Variants in PLXND1 observed in about 807,000 individuals in gnomAD.
PLXND1 encodes the protein plexin-D1.
A neutral mutation model predicts 197.7 loss-of-function variants in PLXND1; 54 were observed. The observed-to-expected ratio is 0.27, with a 90% CI of 0.22 to 0.34. PLXND1 has a LOEUF of 0.34. Among genes scored for constraint, PLXND1 ranks in the 10% least tolerant of loss-of-function variants. The probability of loss-of-function intolerance (pLI) is 1.00; values close to 1 mark genes in which losing one functional copy is unlikely to be tolerated. For synonymous variants in PLXND1, 1,180 were observed against 1,161.2 expected (o/e 1.02, Z -0.33); for missense variants, 2,127 against 2,699.2 (o/e 0.79, Z 4.70).
At chr3:129,586,303 G>C in intron 3 of PLXND1, 31 bp from the exon 4 acceptor site, 2 of 1,481,220 alleles carry the variant, frequency 1.4e-6, no homozygotes, top group Non-Finnish European at 9.1e-7. Context: ...CCAGCTCAAT[G>C]GGACTGCCAG....
Position 129,584,369 on chromosome 3 carries a change from A to G in PLXND1, c.2029+16T>C, listed in dbSNP as rs2085429154. 6.2e-7 allele frequency: 1 copy of G among 1,609,434 alleles called. No individual in the cohort carries two copies. The highest frequency in any genetic ancestry group is 8.5e-7 in the Non-Finnish European group (1 of 1,177,542). ...TCTGCCCCTCTGGGGCTGTGCCAACAGCACAGCGTGCTTACCCTGGTTGGG... is the reference window on the plus strand; with the variant it reads ...TCTGCCCCTCTGGGGCTGTGCCAACGGCACAGCGTGCTTACCCTGGTTGGG... On this transcript the variant is annotated intron_variant, in intron 6 of 35. Transcript: ENST00000324093.
chr3:129,575,624 G>A (rs2085302008), intron 10 of PLXND1, 62 bp from the exon 11 acceptor site: 1 of 1,333,992 alleles, frequency 7.5e-7, no homozygotes, highest in Admixed American at 2.0e-5. Context: ...TGCTGGGGAT[G>A]GGTGTCATGG....
chr3:129,584,685 T>A, intron 5 of PLXND1, 123 bp from the exon 6 acceptor site: 1 of 884,104 alleles, frequency 1.1e-6, no homozygotes, highest in Non-Finnish European at 1.7e-6. Context: ...GGGGTAGTGG[T>A]GGCCAGGACT....
At chr3:129,589,310 T>TACCCCCC in intron 2 of PLXND1, 41 bp downstream of exon 2, 1 of 501,294 alleles carries the variant, frequency 2.0e-6, no homozygotes, top group Non-Finnish European at 3.8e-6. Flanking sequence ...CAGGGGAGCC[T>TACCCCCC]CCCACCCCCA....
chr3:129,602,691 C>T (rs562865925), intron 1 of PLXND1, among the ~76,000 whole-genome samples: 1 of 152,120 alleles, frequency 6.6e-6, no homozygotes, highest in Non-Finnish European at 1.5e-5. Context: ...GCAGAACAAG[C>T]CAGATTAGGC....
intron 1 of PLXND1, among the ~76,000 whole-genome samples, chr3:129,601,225 C>T (rs866738327): frequency 3.3e-5 from 5 of 152,188 alleles, no homozygotes; most frequent in African/African-American, 9.7e-5. Context: ...GCCCCAAATA[C>T]GTTGAAAACA....
At chr3:129,586,842 G>C (rs774208602) in intron 2 of PLXND1, 123 bp from the exon 3 acceptor site, 3 of 1,177,958 alleles carry the variant, frequency 2.5e-6, no homozygotes, top group Non-Finnish European at 2.4e-6. Flanking sequence ...CTTCAGGAGG[G>C]GTGGGAAGTC....
chr3:129,605,265 G>GCCCGCA (rs2085767112), intron 1 of PLXND1, 64 bp downstream of exon 1: 2 of 283,346 alleles, frequency 7.1e-6, no homozygotes, highest in East Asian at 1.4e-4. Flanking sequence ...CTCGGTTCCC[G>GCCCGCA]CCCGCCCCCG....
chr3:129,555,859 CCAAT>C lies in PLXND1; in HGVS notation c.*449_*452del, dbSNP rs2084965605. 1 of 306,952 alleles carries C rather than the reference CCAAT, an allele frequency of 3.3e-6. No individual in the cohort carries two copies. The allele number at this position is 306,952 out of a possible 1,614,324, so 19.0% of individuals were successfully genotyped here. ...AACATTTTGGTAGTTGAAGCAGAAA[CCAAT>C]CAAAGGTCAGTTCAAGGAGGGCTCC... On this transcript the variant is annotated 3_prime_UTR_variant, in exon 36 of 36. Transcript: ENST00000324093.
rs758269452 is a variant in PLXND1 at position 129,571,026 on chromosome 3, C to T, written c.3600+14G>A. 1.2e-6 allele frequency: 2 copies of T among 1,613,284 alleles called. No homozygotes were observed. Among genetic ancestry groups the T allele is most frequent in the African/African-American group, 2.7e-5 (2 of 75,030 alleles). ...TCGCTTGCCCCCGCCTACCCCGGCC[C>T]CTTTGGTGCTCACGTGGATAACGAG... On this transcript the variant is annotated intron_variant, in intron 18 of 35. Transcript: ENST00000324093.
At chr3:129,599,272 G>A (rs2085672637) in intron 1 of PLXND1, among the ~76,000 whole-genome samples, 1 of 152,244 alleles carries the variant, frequency 6.6e-6, no homozygotes, top group Non-Finnish European at 1.5e-5. Flanking sequence ...GGCCCGATGC[G>A]CGTGGCCCTT....
intron 20 of PLXND1, 28 bp downstream of exon 20, chr3:129,569,815 A>G (rs1457841916): frequency 2.3e-6 from 3 of 1,323,674 alleles, no homozygotes; most frequent in Non-Finnish European, 3.3e-6. Context: ...CCTGCCCTCC[A>G]AGGTGTCCTG....
At position 129,570,807 on chromosome 3, in the gene PLXND1, G is replaced by A. The variant is rs777891471; in HGVS notation, c.3729C>T (p.Ala1243=). The A allele has an allele frequency of 6.8e-6, 11 of 1,614,024 alleles. No individual in the cohort carries two copies. Among genetic ancestry groups the A allele is most frequent in the East Asian group, 2.2e-5 (1 of 44,898 alleles). Residue 1243 remains alanine, a synonymous_variant, in exon 19 of 36, where the codon GCC becomes GCT. Transcript: ENST00000324093. Reference sequence around the variant, plus strand: ...TCACTGTGATGGGCAGCTGCCCCACGGCCGCGCCCAGGGACTCGTTGACCG... The same window carrying A: ...TCACTGTGATGGGCAGCTGCCCCACAGCCGCGCCCAGGGACTCGTTGACCG... ...HCSVNESLGA[A]VGQLPITIQV... is the part of the protein sequence containing the mutation.
At chr3:129,569,425 G>A (rs907040679) in intron 20 of PLXND1, 8 of 176,786 alleles carry the variant, frequency 4.5e-5, no homozygotes, top group South Asian at 2.8e-4. Flanking sequence ...CTCTAGTAGC[G>A]TATGATGGCT....
chr3:129,567,865 G>A lies in PLXND1; in HGVS notation c.3866-60C>T, dbSNP rs192428833. On this transcript the variant is annotated intron_variant, in intron 20 of 35. Coordinates refer to ENST00000324093, the MANE Select transcript of PLXND1 (RefSeq NM_015103.3). ...TGCCCTTTGGAAAGCCTTTATTGGC[G>A]CCTGCTGTATTCTGGCCTCCGCTCC... The A allele has an allele frequency of 5.7e-3, 5,732 of 1,003,330 alleles. 31 individuals are homozygous for A. Among genetic ancestry groups the A allele is most frequent in the Middle Eastern group, 0.021 (96 of 4,658 alleles). The allele number at this position is 1,003,330 out of a possible 1,614,324, so 62.2% of individuals were successfully genotyped here. A position where few individuals can be genotyped will look rare whatever the true frequency, so the allele number is the denominator to read the frequency against.
chr3:129,605,385 G>GC lies in PLXND1; in HGVS notation c.1254dup (p.Leu419AlafsTer13). On this transcript the variant is annotated frameshift_variant, in exon 1 of 36. Coordinates refer to ENST00000324093, the MANE Select transcript of PLXND1 (RefSeq NM_015103.3). LOFTEE classifies it high-confidence loss of function. ...CCCGTGCCCTGCACCACGCTGTCGA[G>GC]CACCGCCACCACGTCGGGCGCCGGT... is the stretch of plus-strand genomic sequence containing the variant. The GC allele has an allele frequency of 1.3e-6, 2 of 1,502,368 alleles. No individual in the cohort carries two copies. The highest frequency in any genetic ancestry group is 1.8e-6 in the Non-Finnish European group (2 of 1,133,734). The allele number at this position is 1,502,368 out of a possible 1,614,324, so 93.1% of individuals were successfully genotyped here. A position where few individuals can be genotyped will look rare whatever the true frequency, so the allele number is the denominator to read the frequency against.
Position 129,606,654 on chromosome 3 carries a change from G to A in PLXND1, c.-15C>T, listed in dbSNP as rs1027191320. 2 of 970,828 alleles carry A rather than the reference G, an allele frequency of 2.1e-6. No individual in the cohort carries two copies. Among genetic ancestry groups the A allele is most frequent in the South Asian group, 4.6e-5 (1 of 21,756 alleles). 60.1% of individuals were successfully genotyped at this position (970,828 alleles called of 1,614,324 possible). On this transcript the variant is annotated 5_prime_UTR_variant, in exon 1 of 36. Transcript: ENST00000324093. ...CGAGGAGCCATCCGGGCGTGCGCGG[G>A]CTGCGCGGCGCGGCGAGTGCATGGG...
chr3:129,572,634 CG>C lies in PLXND1; in HGVS notation c.3051del (p.Asn1017LysfsTer9). The C allele has an allele frequency of 6.3e-7, 1 of 1,589,456 alleles. No homozygotes were observed. Among genetic ancestry groups the C allele is most frequent in the Non-Finnish European group, 8.6e-7 (1 of 1,167,902 alleles). On this transcript the variant is annotated frameshift_variant, in exon 15 of 36. Transcript: ENST00000324093. LOFTEE classifies it high-confidence loss of function. ...ATCAGCTCCGTGCAGGGGTCTGTGT[CG>C]TTCACCAGGACCTGGAGCTCGGAGC... ...HVGSELQVLVNDTDPCTELMR... is the reference protein window; with the variant it reads ...HVGSELQVLVXDTDPCTELMR...
At chr3:129,602,082 C>G (rs966137606) in intron 1 of PLXND1, among the ~76,000 whole-genome samples, 4 of 152,206 alleles carry the variant, frequency 2.6e-5, no homozygotes, top group Non-Finnish European at 4.4e-5. Flanking sequence ...GAATTGTAGT[C>G]ATTGCAAACA....
Sources: allele counts gnomAD v4.1 joint callset (sites outside exome capture counted in the v4.1 genomes callset), GRCh38; gene constraint gnomAD v4.1.1; transcripts MANE v1.5; gene names NCBI Gene and HGNC (gene_info 2026-07-23, HGNC 2026-07-21).